Variants in NHSL1 observed in about 807,000 individuals in gnomAD.
NHSL1 encodes the protein NHS-like protein 1.
A neutral mutation model predicts 95.0 loss-of-function variants in NHSL1; 48 were observed. The ratio of observed to expected loss-of-function variants is 0.51; its 90% CI spans 0.40 to 0.64. The LOEUF is 0.64. Ranked by LOEUF, NHSL1 falls within the 30% of genes least tolerant of loss-of-function variation. The pLI is 0.00. For synonymous variants in NHSL1, 783 were observed against 833.9 expected (o/e 0.94, Z 1.05); for missense variants, 1,971 against 2,077.7 (o/e 0.95, Z 1.00).
At chr6:138,491,911 T>C (rs1017743504) in intron 2 of NHSL1, among the ~76,000 whole-genome samples, 1 of 152,182 alleles carries the variant, frequency 6.6e-6, no homozygotes, top group African/African-American at 2.4e-5. Flanking sequence ...TCAAAAAGTT[T>C]TGGATTTTGG....
Position 138,555,202 on chromosome 6 carries a change from T to C in NHSL1, c.202+16508A>G, listed in dbSNP as rs572190218. ...TCTGAGCCTTTTCCTTTTTGATTTT[T>C]GTTTTACCTCTCTCTTTCTCTTTCT... On this transcript the variant is annotated intron_variant, in intron 1 of 6. Transcript: ENST00000427025. 6.6e-5 allele frequency among the ~76,000 whole-genome samples: 10 copies of C among 152,290 alleles called. No homozygotes were observed. In the East Asian group the frequency reaches 1.9e-3, roughly 29 times the overall value.
intron 1 of NHSL1, among the ~76,000 whole-genome samples, chr6:138,605,866 T>C (rs1308453213): frequency 6.6e-6 from 1 of 152,100 alleles, no homozygotes; most frequent in East Asian, 1.9e-4. Flanking sequence ...GGCAGAAGTG[T>C]GGTAATGTGG....
chr6:138,531,808 T>C (rs1158788002), intron 1 of NHSL1, among the ~76,000 whole-genome samples: 2 of 152,236 alleles, frequency 1.3e-5, no homozygotes, highest in Non-Finnish European at 2.9e-5. Flanking sequence ...CCACAATACC[T>C]GGCTAATTCT....
intron 1 of NHSL1, among the ~76,000 whole-genome samples, chr6:138,668,178 T>G (rs1262289861): frequency 6.6e-6 from 1 of 152,150 alleles, no homozygotes; most frequent in African/African-American, 2.4e-5. Flanking sequence ...CTGGGCACAG[T>G]AGCTCACGCC....
At chr6:138,632,959 A>G (rs886695709) in intron 1 of NHSL1, among the ~76,000 whole-genome samples, 1 of 152,166 alleles carries the variant, frequency 6.6e-6, no homozygotes, top group Non-Finnish European at 1.5e-5. Flanking sequence ...CAAATTCAAG[A>G]TAACACAGAA....
chr6:138,645,510 CTTTTTTT>C (rs746425752), intron 1 of NHSL1, among the ~76,000 whole-genome samples: 2 of 137,958 alleles, frequency 1.4e-5, no homozygotes, highest in East Asian at 2.1e-4. Flanking sequence ...TTTCTTTTTT[CTTTTTTT>C]TTTTTTTTGG....
chr6:138,447,191 A>G lies in NHSL1; in HGVS notation c.342T>C (p.Cys114=), dbSNP rs1776919030. ...TTTCTTCTTCTGATGAAGACAGAGA[A>G]CACTGCAGAGAAAAAAGAAGCAGCA... is the stretch of plus-strand genomic sequence containing the variant. ...QDEDEETDQK[C]SLSSSEEERF... The change falls in exon 4 of 8, where the codon TGT becomes TGC. Residue 114 remains cysteine (C), a splice_region_variant and synonymous_variant. Coordinates refer to ENST00000343505, the MANE Select transcript of NHSL1 (RefSeq NM_001144060.2). 1 of 1,550,192 alleles carries G rather than the reference A, an allele frequency of 6.5e-7. No individual in the cohort carries two copies. The highest frequency in any genetic ancestry group is 2.0e-5 in the Admixed American group (1 of 50,968).
chr6:138,588,200 C>T lies in NHSL1; in HGVS notation c.97-91829G>A, dbSNP rs554005457. Among the ~76,000 whole-genome samples the T allele has an allele frequency of 1.4e-4, 22 of 152,336 alleles. No homozygotes were observed. The South Asian group carries it at 3.9e-3, about 27-fold the overall frequency. ...ATAACTGGCTGGGCCTGGTGGCTTGCGCCTGTAATCTCAGCACTTTGGGAA... is the reference window on the plus strand; with the variant it reads ...ATAACTGGCTGGGCCTGGTGGCTTGTGCCTGTAATCTCAGCACTTTGGGAA... On this transcript the variant is annotated intron_variant, in intron 1 of 3. Transcript: ENST00000491526.
At chr6:138,575,444 G>A (rs376978918), upstream of NHSL1, among the ~76,000 whole-genome samples, 12 of 152,132 alleles carry the variant, frequency 7.9e-5, no homozygotes, top group Admixed American at 3.3e-4. Context: ...ATGACTCTCC[G>A]TCAAAGTAAG....
Position 138,430,561 on chromosome 6 carries a change from C to T in NHSL1, c.3784G>A (p.Val1262Ile), listed in dbSNP as rs1246902079. ...GSHATHPGTS[V>I]LEGGAAGSMS... is the part of the protein sequence containing the mutation. The stretch of plus-strand genomic sequence containing the variant: ...GATCCTGCAGCTCCTCCCTCAAGAA[C>T]CGAGGTGCCAGGGTGCGTGGCATGA... The change falls in exon 6 of 8, where the codon GTT (valine) becomes ATT (isoleucine). Residue 1262 changes from valine to isoleucine, a missense_variant. Transcript: ENST00000343505. The surrounding 1 kb of genome is among the most constrained non-coding windows in gnomAD (Gnocchi z 4.7). The T allele has an allele frequency of 3.2e-6, 5 of 1,550,856 alleles. No homozygotes were observed. The highest frequency in any genetic ancestry group is 1.4e-5 in the African/African-American group (1 of 73,134).
In NHSL1 at chr6:138,432,269, G is replaced by A. The variant is rs1006699956; in HGVS notation, c.2076C>T (p.Asn692=). Residue 692 remains asparagine (N), a synonymous_variant, in exon 6 of 8, where the codon AAC becomes AAT. Transcript: ENST00000343505. This position sits in a 1 kb window ranked among gnomAD's most constrained non-coding sequence, Gnocchi z 4.4. ...RRIPKKSSQC[N]GQVLNESLIA... ...TCAGGCTCTCGTTGAGCACCTGCCC[G>A]TTGCACTGGCTGCTCTTCTTGGGAA... 12 of 1,550,876 alleles carry A rather than the reference G, an allele frequency of 7.7e-6. No homozygotes were observed. Among genetic ancestry groups the A allele is most frequent in the South Asian group, 6.0e-5 (5 of 84,018 alleles).
chr6:138,448,921 G>A (rs746116275), intron 3 of NHSL1, among the ~76,000 whole-genome samples: 2 of 152,092 alleles, frequency 1.3e-5, no homozygotes, highest in African/African-American at 2.4e-5. Context: ...GCGTGCTGGC[G>A]CATGCCTGTA....
At chr6:138,489,391 T>C (rs1206095565) in intron 2 of NHSL1, among the ~76,000 whole-genome samples, 1 of 152,198 alleles carries the variant, frequency 6.6e-6, no homozygotes, top group Non-Finnish European at 1.5e-5. Flanking sequence ...TCAAGTAACC[T>C]ATACCTAGTA....
intron 1 of NHSL1, among the ~76,000 whole-genome samples, chr6:138,628,016 G>A (rs1011848915): frequency 7.3e-5 from 11 of 151,130 alleles, no homozygotes; most frequent in Non-Finnish European, 1.6e-4. Context: ...ACACATATAC[G>A]TAAAACGTAT....
intron 1 of NHSL1, among the ~76,000 whole-genome samples, chr6:138,588,292 G>A (rs975775097): frequency 2.0e-5 from 3 of 152,152 alleles, no homozygotes; most frequent in East Asian, 3.9e-4. Context: ...GTGAAACCCC[G>A]CCTCTACTAA....
intron 3 of NHSL1, among the ~76,000 whole-genome samples, chr6:138,455,224 A>G (rs570555205): frequency 1.3e-5 from 2 of 152,228 alleles, no homozygotes; most frequent in African/African-American, 4.8e-5. Context: ...ATGATTGGAC[A>G]TGGAGTAATC....
intron 1 of NHSL1, among the ~76,000 whole-genome samples, chr6:138,625,008 T>G (rs9376357): frequency 1.3e-5 from 2 of 152,308 alleles, no homozygotes; most frequent in East Asian, 3.9e-4. Flanking sequence ...GAGAGAGAGA[T>G]ATTCTGTCTT....
intron 1 of NHSL1, among the ~76,000 whole-genome samples, chr6:138,587,550 C>T (rs1284898910): frequency 6.7e-6 from 1 of 149,862 alleles, no homozygotes; most frequent in Admixed American, 6.6e-5. Context: ...TAAAGTAAGC[C>T]TCCTACCCTA....
At chr6:138,635,669 C>G (rs1784877610) in intron 1 of NHSL1, among the ~76,000 whole-genome samples, 1 of 152,156 alleles carries the variant, frequency 6.6e-6, no homozygotes, top group Non-Finnish European at 1.5e-5. Flanking sequence ...TAGTTCCAAA[C>G]TCATTCTACG....
Sources: gnomAD v4.1 joint callset for allele counts (sites outside exome capture counted in the v4.1 genomes callset) on GRCh38, gnomAD v4.1.1 for gene constraint, Gnocchi (gnomAD v3.1) non-coding constraint, MANE v1.5 for transcripts, NCBI Gene and HGNC (gene_info 2026-07-23, HGNC 2026-07-21) for gene names.